Variants in ATP1B3 observed in about 807,000 individuals in gnomAD.
The protein encoded by ATP1B3 is ATPase Na+/K+ transporting subunit beta 3, also known as sodium/potassium-transporting ATPase subunit beta-3.
In ATP1B3, 10 loss-of-function variants were observed where a neutral mutation model predicts 30.2. The ratio of observed to expected loss-of-function variants is 0.33; its 90% confidence interval spans 0.20 to 0.56. The LOEUF is 0.56. Among genes scored for constraint, ATP1B3 ranks in the 20% least tolerant of loss-of-function variants. The pLI is 0.90. For synonymous variants in ATP1B3, 113 were observed against 117.0 expected (o/e 0.97, Z 0.22); for missense variants, 238 against 336.7 (o/e 0.71, Z 2.29).
intron 1 of ATP1B3, 132 bp downstream of exon 1, chr3:141,877,042 C>G (rs1356815476): frequency 1.8e-6 from 1 of 546,070 alleles, no homozygotes; most frequent in Non-Finnish European, 2.9e-6. Context: ...CTAACCCGGG[C>G]GGCGGCGGCG....
chr3:141,898,287 TTAAA>T (rs1420795960), intron 1 of ATP1B3, among the ~76,000 whole-genome samples: 5 of 152,190 alleles, frequency 3.3e-5, no homozygotes, highest in African/African-American at 1.2e-4. Context: ...ACTTTTTTGC[TTAAA>T]TAACATTATT....
intron 6 of ATP1B3, among the ~76,000 whole-genome samples, chr3:141,923,309 G>A (rs1934599633): frequency 6.6e-6 from 1 of 151,068 alleles, no homozygotes; most frequent in African/African-American, 2.4e-5. Flanking sequence ...GTGGACTAAT[G>A]AGTTATCATA....
At chr3:141,915,001 C>G (rs771059421) in intron 4 of ATP1B3, among the ~76,000 whole-genome samples, 1 of 143,594 alleles carries the variant, frequency 7.0e-6, no homozygotes, top group Non-Finnish European at 1.5e-5. Context: ...ACTAGATGAT[C>G]TAGTTTATAA....
chr3:141,906,313 G>A (rs141909223), intron 2 of ATP1B3, among the ~76,000 whole-genome samples: 2 of 152,082 alleles, frequency 1.3e-5, no homozygotes, highest in East Asian at 3.9e-4. Flanking sequence ...CCAAGTAACT[G>A]GGACTACAGG....
At chr3:141,878,185 C>T (rs1158435323) in intron 1 of ATP1B3, among the ~76,000 whole-genome samples, 1 of 152,170 alleles carries the variant, frequency 6.6e-6, no homozygotes, top group Non-Finnish European at 1.5e-5. Context: ...TGTAAAATTA[C>T]ATATGCCACA....
chr3:141,888,053 TA>T (rs748614608), intron 1 of ATP1B3, among the ~76,000 whole-genome samples: 3 of 152,236 alleles, frequency 2.0e-5, no homozygotes, highest in Non-Finnish European at 4.4e-5. Flanking sequence ...TTTCACTGAA[TA>T]TGCATTTTTT....
At chr3:141,912,317 C>T (rs1055752672) in intron 3 of ATP1B3, among the ~76,000 whole-genome samples, 1 of 152,040 alleles carries the variant, frequency 6.6e-6, no homozygotes, top group Non-Finnish European at 1.5e-5. Context: ...CTGTGTCGCC[C>T]AGGCTGGAGT....
chr3:141,898,647 T>C (rs2107770500), intron 1 of ATP1B3, among the ~76,000 whole-genome samples: 1 of 152,312 alleles, frequency 6.6e-6, no homozygotes, highest in African/African-American at 2.4e-5. Context: ...TGTAGGAGTG[T>C]AAAATGGTGA....
At chr3:141,897,052 C>T (rs1280141498) in intron 1 of ATP1B3, among the ~76,000 whole-genome samples, 2 of 152,092 alleles carry the variant, frequency 1.3e-5, no homozygotes, top group Admixed American at 6.6e-5. Flanking sequence ...ACTTTTCCAG[C>T]CCAAGCTCCC....
At chr3:141,908,041 A>C (rs1934292458) in intron 3 of ATP1B3, among the ~76,000 whole-genome samples, 1 of 149,142 alleles carries the variant, frequency 6.7e-6, no homozygotes, top group South Asian at 2.1e-4. Flanking sequence ...TTGAGAAGGA[A>C]GAATCTTTTT....
At chr3:141,907,447 C>T (rs993968938) in intron 3 of ATP1B3, among the ~76,000 whole-genome samples, 173 bp downstream of exon 3, 2 of 151,484 alleles carry the variant, frequency 1.3e-5, no homozygotes, top group African/African-American at 2.4e-5. Flanking sequence ...ATGGTGAAAC[C>T]CCTGGCCAAC....
At chr3:141,924,917 C>T (rs1391023870) in intron 6 of ATP1B3, among the ~76,000 whole-genome samples, 1 of 152,128 alleles carries the variant, frequency 6.6e-6, no homozygotes, top group Non-Finnish European at 1.5e-5. Context: ...CGTGCCACTG[C>T]ACTCCAGCCT....
At chr3:141,897,135 A>G (rs1293087135) in intron 1 of ATP1B3, among the ~76,000 whole-genome samples, 1 of 152,084 alleles carries the variant, frequency 6.6e-6, no homozygotes, top group African/African-American at 2.4e-5. Context: ...GCATACTGAG[A>G]GAAGCAAAGC....
chr3:141,880,925 C>A (rs939641279), intron 1 of ATP1B3, among the ~76,000 whole-genome samples: 1 of 152,112 alleles, frequency 6.6e-6, no homozygotes, highest in African/African-American at 2.4e-5. Context: ...ACAAACCAGG[C>A]GGGACATGGT....
chr3:141,885,880 A>AACACACAC (rs146684460), intron 1 of ATP1B3, among the ~76,000 whole-genome samples: 2,159 of 141,720 alleles, frequency 0.015, 31 homozygotes, highest in South Asian at 0.023. Context: ...GCTGCGTTAA[A>AACACACAC]ACACACACAC....
intron 1 of ATP1B3, among the ~76,000 whole-genome samples, chr3:141,877,772 G>A (rs1003000037): frequency 6.7e-6 from 1 of 149,550 alleles, no homozygotes; most frequent in African/African-American, 2.5e-5. Context: ...ACCGTGTAGA[G>A]TAGCTTTAGG....
In ATP1B3 at chr3:141,926,335, CT is replaced by C. The variant is rs1213402512; in HGVS notation, c.*635del. 1 of 150,782 alleles carries C rather than the reference CT, an allele frequency of 6.6e-6. No individual in the cohort carries two copies. The highest frequency in any genetic ancestry group is 1.5e-5 in the Non-Finnish European group (1 of 67,838). The allele number at this position is 150,782 out of a possible 1,614,324, so 9.3% of individuals were successfully genotyped here. ...GATTAATTTTTAGTGTTGGAACTGC[CT>C]CTTATTTTAGGCTGTAGATAAAATA... On this transcript the variant is annotated 3_prime_UTR_variant, in exon 7 of 7. Transcript: ENST00000286371.
chr3:141,884,684 C>T (rs140554827), intron 1 of ATP1B3, among the ~76,000 whole-genome samples: 1 of 152,336 alleles, frequency 6.6e-6, no homozygotes, highest in Non-Finnish European at 1.5e-5. Flanking sequence ...TCCTAGCCTA[C>T]ATCTTTCTCC....
intron 1 of ATP1B3, among the ~76,000 whole-genome samples, chr3:141,878,097 C>T (rs1288011545): frequency 6.6e-6 from 1 of 151,998 alleles, no homozygotes; most frequent in Non-Finnish European, 1.5e-5. Context: ...CTGAAAGGGG[C>T]CTTGGAGGAT....
Sources: gnomAD v4.1 joint callset for allele counts (sites outside exome capture counted in the v4.1 genomes callset) on GRCh38, gnomAD v4.1.1 for gene constraint, MANE v1.5 for transcripts, NCBI Gene and HGNC (gene_info 2026-07-23, HGNC 2026-07-21) for gene names.